Variants in MSR1 observed in about 807,000 individuals in gnomAD.
MSR1 encodes macrophage scavenger receptor 1, also known as macrophage scavenger receptor types I and II.
A neutral mutation model predicts 47.2 loss-of-function variants in MSR1; 53 were observed. The ratio of observed to expected loss-of-function variants is 1.12; its 90% CI spans 0.90 to 1.41. The LOEUF (loss-of-function observed/expected upper bound fraction) is 1.41. Ranked by LOEUF, MSR1 falls within the 40% of genes most tolerant of loss-of-function variation. The pLI, the probability that MSR1 is intolerant of heterozygous loss-of-function variation, is 0.00. For synonymous variants in MSR1, 239 were observed against 185.6 expected, an observed-to-expected ratio of 1.29 and a Z score of -2.34; for missense variants, 786 against 546.9, an observed-to-expected ratio of 1.44 and a Z score of -4.36.
intron 1 of MSR1, among the ~76,000 whole-genome samples, chr8:16,190,201 T>C (rs1422823002): frequency 3.3e-5 from 5 of 152,144 alleles, no homozygotes; most frequent in African/African-American, 1.2e-4. Context: ...CCGGCCATTA[T>C]TTTCATAATT....
chr8:16,180,429 C>A lies in MSR1; in HGVS notation c.-4-2437G>T, dbSNP rs993707993. Among the ~76,000 whole-genome samples, 34 of 152,210 alleles carry A rather than the reference C, an allele frequency of 2.2e-4. No homozygotes were observed. In the East Asian group the frequency reaches 3.3e-3, roughly 15 times the overall value. On this transcript the variant is annotated intron_variant, in intron 1 of 9. Coordinates refer to ENST00000262101, the MANE Select transcript of MSR1 (RefSeq NM_138715.3). ...CAAGAATTTGCAATTCCAACAAATTCTCAAGAGGTGATGCAATTGGTCTGA... is the reference window on the plus strand; with the variant it reads ...CAAGAATTTGCAATTCCAACAAATTATCAAGAGGTGATGCAATTGGTCTGA...
At chr8:16,139,552 G>A in intron 8 of MSR1, 1 of 983,538 alleles carries the variant, frequency 1.0e-6, no homozygotes, top group Non-Finnish European at 1.2e-6. Context: ...TGAAAATGTA[G>A]TCTGTTGATC....
chr8:16,153,929 C>T (rs1157472827), intron 6 of MSR1, among the ~76,000 whole-genome samples: 1 of 151,872 alleles, frequency 6.6e-6, no homozygotes, highest in Admixed American at 6.6e-5. Flanking sequence ...CCTGGCAAGG[C>T]ATTCAAAAGC....
chr8:16,116,886 T>A (rs1331238691), intron 9 of MSR1, among the ~76,000 whole-genome samples: 1 of 151,954 alleles, frequency 6.6e-6, no homozygotes, highest in Non-Finnish European at 1.5e-5. Flanking sequence ...AGATGACGTC[T>A]TGTTCACTTT....
chr8:16,142,071 C>T (rs2117110970), intron 8 of MSR1, among the ~76,000 whole-genome samples: 1 of 152,216 alleles, frequency 6.6e-6, no homozygotes, highest in East Asian at 1.9e-4. Context: ...TGGCTCATGC[C>T]TGTAATCCCA....
chr8:16,135,947 C>T lies in MSR1; in HGVS notation c.1033+7611G>A, dbSNP rs1030405491. 4.6e-5 allele frequency among the ~76,000 whole-genome samples: 7 copies of T among 151,884 alleles called. 1 individual carries two copies. The highest frequency in any genetic ancestry group is 2.6e-4 in the Admixed American group (4 of 15,230). On this transcript the variant is annotated intron_variant, in intron 8 of 9. Transcript: ENST00000262101. Reference sequence around the variant, plus strand: ...GAGGATGTGGCTGAATTGCTGCAATCGATAAAACTTGAATGGATTAGGGGT... The same window carrying T: ...GAGGATGTGGCTGAATTGCTGCAATTGATAAAACTTGAATGGATTAGGGGT...
intron 5 of MSR1, among the ~76,000 whole-genome samples, chr8:16,160,530 G>A (rs1289764770): frequency 6.6e-6 from 1 of 151,998 alleles, no homozygotes; most frequent in Non-Finnish European, 1.5e-5. Flanking sequence ...TGCTGGAGAA[G>A]ATACAAGCTA....
At chr8:16,171,039 C>A (rs1313213596) in intron 3 of MSR1, among the ~76,000 whole-genome samples, 1 of 151,964 alleles carries the variant, frequency 6.6e-6, no homozygotes, top group Non-Finnish European at 1.5e-5. Flanking sequence ...GCCTGGCAAA[C>A]ATGGTGAAAC....
chr8:16,168,865 G>A lies in MSR1; in HGVS notation c.223C>T (p.Leu75Phe). 1 of 1,612,404 alleles carries A rather than the reference G, an allele frequency of 6.2e-7. No individual in the cohort carries two copies. The change falls in exon 4 of 10, where the codon CTC (leucine) becomes TTC (phenylalanine). Residue 75 changes from leucine to phenylalanine, a missense_variant. Leu to Phe is a conservative substitution (Grantham distance 22). Coordinates refer to ENST00000262101, the MANE Select transcript of MSR1 (RefSeq NM_138715.3). ...IPLIGIVAAQ[L>F]LKWETKNCSV... The stretch of plus-strand genomic sequence containing the variant: ...CAATTCTTCGTTTCCCACTTCAGGA[G>A]TTGAGCTGTATATTTAAGTAAAAAT...
intron 9 of MSR1, among the ~76,000 whole-genome samples, chr8:16,110,681 T>A (rs1729020383): frequency 1.3e-5 from 2 of 152,158 alleles, no homozygotes; most frequent in Non-Finnish European, 2.9e-5. Flanking sequence ...ATCTTCCTCC[T>A]TTTGTTATCT....
chr8:16,131,105 T>C (rs1800245122), intron 8 of MSR1, among the ~76,000 whole-genome samples: 3 of 152,234 alleles, frequency 2.0e-5, no homozygotes, highest in Admixed American at 6.5e-5. Flanking sequence ...GAGCAGACGA[T>C]AAGCATTCTC....
In MSR1 at chr8:16,168,693, T is replaced by C. The variant is rs1801392652; in HGVS notation, c.395A>G (p.Glu132Gly). Residue 132 changes from glutamate to glycine, a missense_variant, in exon 4 of 10, where the codon GAA becomes GGA. Physicochemically the swap from Glu to Gly is moderately conservative, Grantham distance 98 (BLOSUM62 -2). Coordinates refer to ENST00000262101, the MANE Select transcript of MSR1 (RefSeq NM_138715.3). Reference sequence around the variant, plus strand: ...ATGCTCTGTGTCCATGAGGTTGGCTTCCATGTCTAAAATATGCTGGATTCT... The same window carrying C: ...ATGCTCTGTGTCCATGAGGTTGGCTCCCATGTCTAAAATATGCTGGATTCT... ...EKRIQHILDM[E>G]ANLMDTEHFQ... is the part of the protein sequence containing the mutation. The C allele has an allele frequency of 1.2e-6, 2 of 1,614,078 alleles. No individual in the cohort carries two copies. The highest frequency in any genetic ancestry group is 2.7e-5 in the African/African-American group (2 of 74,932).
intron 9 of MSR1, among the ~76,000 whole-genome samples, chr8:16,112,010 G>T (rs1799766884): frequency 6.6e-6 from 1 of 152,078 alleles, no homozygotes; most frequent in Non-Finnish European, 1.5e-5. Context: ...CCATACTCTT[G>T]TGGACTGACT....
intron 4 of MSR1, among the ~76,000 whole-genome samples, chr8:16,166,950 C>T (rs1467128838): frequency 6.6e-6 from 1 of 151,912 alleles, no homozygotes; most frequent in African/African-American, 2.4e-5. Flanking sequence ...CACACACACA[C>T]ACACACACAC....
At chr8:16,137,943 G>C (rs993922219) in intron 8 of MSR1, among the ~76,000 whole-genome samples, 2 of 151,658 alleles carry the variant, frequency 1.3e-5, no homozygotes, top group Non-Finnish European at 2.9e-5. Context: ...AGGGAGCTAT[G>C]GTCGTGCCAC....
chr8:16,131,910 A>G (rs1168410231), intron 8 of MSR1, among the ~76,000 whole-genome samples: 5 of 151,498 alleles, frequency 3.3e-5, no homozygotes, highest in South Asian at 4.2e-4. Flanking sequence ...GAAGTCAGGT[A>G]CCATGATATC....
intron 1 of MSR1, among the ~76,000 whole-genome samples, chr8:16,178,627 G>C (rs1585193116): frequency 6.6e-6 from 1 of 152,240 alleles, no homozygotes; most frequent in African/African-American, 2.4e-5. Flanking sequence ...CCCAGTAATG[G>C]GATGGCTGGG....
intron 1 of MSR1, among the ~76,000 whole-genome samples, chr8:16,190,611 C>G (rs903215384): frequency 6.6e-6 from 1 of 152,106 alleles, no homozygotes; most frequent in Non-Finnish European, 1.5e-5. Context: ...TGTGAATCAG[C>G]TCTTTATGTT....
chr8:16,112,723 GTTA>G (rs1199891425), intron 9 of MSR1, among the ~76,000 whole-genome samples: 1 of 151,810 alleles, frequency 6.6e-6, no homozygotes, highest in Non-Finnish European at 1.5e-5. Flanking sequence ...GGCTGTCACT[GTTA>G]TTATTTTTTT....
Sources: gnomAD v4.1 joint callset for allele counts (sites outside exome capture counted in the v4.1 genomes callset) on GRCh38, gnomAD v4.1.1 for gene constraint, MANE v1.5 for transcripts, NCBI Gene and HGNC (gene_info 2026-07-23, HGNC 2026-07-21) for gene names.